Variants in PTPN22 observed in about 807,000 individuals in gnomAD.
PTPN22 encodes the protein tyrosine-protein phosphatase non-receptor type 22.
Under a neutral mutation model 103.3 loss-of-function variants are expected in PTPN22, and 85 were observed. The observed-to-expected ratio is 0.82, with a 90% CI of 0.69 to 0.99. PTPN22 has a LOEUF of 0.99. PTPN22 is among the 50% of genes least tolerant of loss of function. The pLI is 0.00. For missense variants in PTPN22, 865 were observed against 936.9 expected, an observed-to-expected ratio of 0.92 and a Z score of 1.00; for synonymous variants, 323 against 310.2, an observed-to-expected ratio of 1.04 and a Z score of -0.43.
chr1:113,862,668 A>G (rs1665719514), intron 1 of PTPN22, among the ~76,000 whole-genome samples: 1 of 152,192 alleles, frequency 6.6e-6, no homozygotes, highest in Non-Finnish European at 1.5e-5. Context: ...TTTTAGATAC[A>G]TTTTAGGGAG....
intron 8 of PTPN22, 35 bp from the exon 9 acceptor site, chr1:113,854,572 TATACCTAG>T: frequency 1.3e-6 from 2 of 1,575,994 alleles, no homozygotes; most frequent in Non-Finnish European, 1.7e-6. Flanking sequence ...TGTATGCATG[TATACCTAG>T]AGAGAATGGA....
At chr1:113,828,471 G>A (rs12086911) in intron 18 of PTPN22, among the ~76,000 whole-genome samples, 1,973 of 151,724 alleles carry the variant, frequency 0.013, 18 homozygotes, top group Middle Eastern at 0.017. Flanking sequence ...CTTTTTTTCA[G>A]GTGGTTATTT....
chr1:113,860,654 T>G (rs148087554), intron 1 of PTPN22, among the ~76,000 whole-genome samples: 1 of 152,332 alleles, frequency 6.6e-6, no homozygotes, highest in East Asian at 1.9e-4. Context: ...CATGAAAGAC[T>G]AGGCTGAATT....
chr1:113,847,236 CTTTTTTTT>C (rs34578333), intron 11 of PTPN22, among the ~76,000 whole-genome samples: 1 of 101,446 alleles, frequency 9.9e-6, no homozygotes, highest in African/African-American at 3.7e-5. Flanking sequence ...TGCTGAGACT[CTTTTTTTT>C]TTTTTTTTGA....
At chr1:113,849,008 C>T (rs1399706897) in intron 10 of PTPN22, among the ~76,000 whole-genome samples, 1 of 151,790 alleles carries the variant, frequency 6.6e-6, no homozygotes, top group Non-Finnish European at 1.5e-5. Context: ...TGTAAGCAAC[C>T]TTCATCTTTT....
At chr1:113,834,868 C>A (rs368481889) in intron 14 of PTPN22, 42 bp downstream of exon 14, 1 of 1,423,746 alleles carries the variant, frequency 7.0e-7, no homozygotes, top group Admixed American at 2.2e-5. Flanking sequence ...AGCCACCATG[C>A]CCATCCCACA....
intron 10 of PTPN22, among the ~76,000 whole-genome samples, chr1:113,849,071 C>T (rs558798270): frequency 1.3e-5 from 2 of 152,256 alleles, no homozygotes; most frequent in South Asian, 4.1e-4. Flanking sequence ...AATGTCTATG[C>T]TTTAATTTGG....
chr1:113,867,671 T>G (rs1666229732), intron 1 of PTPN22, among the ~76,000 whole-genome samples: 1 of 152,230 alleles, frequency 6.6e-6, no homozygotes, highest in Non-Finnish European at 1.5e-5. Flanking sequence ...GGCATTACTT[T>G]GCACACAATA....
At chr1:113,868,077 TTG>T (rs1385877038) in intron 1 of PTPN22, among the ~76,000 whole-genome samples, 1 of 152,212 alleles carries the variant, frequency 6.6e-6, no homozygotes, top group African/African-American at 2.4e-5. Flanking sequence ...TTTTTTGTTG[TTG>T]TGTTATTTTT....
At chr1:113,858,699 G>A in intron 3 of PTPN22, 126 bp from the exon 4 acceptor site, 1 of 717,446 alleles carries the variant, frequency 1.4e-6, no homozygotes, top group Non-Finnish European at 2.3e-6. Flanking sequence ...GAGTGCAGTG[G>A]CATAATCACA....
chr1:113,846,169 A>AT (rs914335421), intron 11 of PTPN22, among the ~76,000 whole-genome samples: 5 of 151,754 alleles, frequency 3.3e-5, no homozygotes, highest in African/African-American at 1.2e-4. Flanking sequence ...CTGCTATTTT[A>AT]TTTTTTGTTT....
chr1:113,835,895 A>G (rs565548513), intron 13 of PTPN22, among the ~76,000 whole-genome samples: 91 of 151,844 alleles, frequency 6.0e-4, no homozygotes, highest in Admixed American at 2.6e-3. Context: ...GCACATGACG[A>G]TATTGTTACA....
exon 2 of PTPN22, chr1:113,859,408 G>A: frequency 6.2e-7 from 1 of 1,613,994 alleles, no homozygotes; most frequent in Non-Finnish European, 8.5e-7. Context: ...CTCAGCCACA[G>A]TTGTAGGATA....
At chr1:113,862,319 G>A (rs1377277870) in intron 1 of PTPN22, among the ~76,000 whole-genome samples, 1 of 151,960 alleles carries the variant, frequency 6.6e-6, no homozygotes, top group Non-Finnish European at 1.5e-5. Context: ...AGAGAATAAA[G>A]TGAAGAGAGA....
chr1:113,823,181 C>T (rs1661764488), intron 19 of PTPN22: 1 of 152,192 alleles, frequency 6.6e-6, no homozygotes. Context: ...CTGTTCTGTT[C>T]ACCATCATAT....
chr1:113,854,604 C>A (rs1664887225), intron 8 of PTPN22, 67 bp from the exon 9 acceptor site: 3 of 1,474,846 alleles, frequency 2.0e-6, no homozygotes, highest in Non-Finnish European at 2.8e-6. Flanking sequence ...TTGACAGTAG[C>A]TGGAAAATTT....
chr1:113,871,687 G>T, exon 1 of PTPN22: 1 of 1,451,944 alleles, frequency 6.9e-7, no homozygotes, highest in Non-Finnish European at 9.6e-7. Flanking sequence ...TGTGTGTCAT[G>T]GCCGAGACAC....
At position 113,856,356 on chromosome 1, in the gene PTPN22, G is replaced by A. The variant is rs201486808; in HGVS notation, c.540+26C>T. Reference sequence around the variant, plus strand: ...TTGCCTGATCTCTATAGGCTTTTGAGTTTATCATTCTTATTTTATACTTAC... The same window carrying A: ...TTGCCTGATCTCTATAGGCTTTTGAATTTATCATTCTTATTTTATACTTAC... On this transcript the variant is annotated intron_variant, in intron 7 of 20. Coordinates refer to ENST00000359785, the Ensembl canonical transcript of PTPN22. 3 of 1,541,280 alleles carry A rather than the reference G, an allele frequency of 1.9e-6. No individual in the cohort carries two copies. In the East Asian group the frequency reaches 7.2e-5, roughly 37 times the overall value.
exon 13 of PTPN22, chr1:113,837,769 C>A (rs370156443): frequency 1.2e-6 from 2 of 1,613,882 alleles, no homozygotes. Flanking sequence ...AGAACTGGTA[C>A]CACTTGGAGG....
Sources: gnomAD v4.1 joint callset for allele counts (sites outside exome capture counted in the v4.1 genomes callset) on GRCh38, gnomAD v4.1.1 for gene constraint, MANE v1.5 for transcripts, NCBI Gene and HGNC (gene_info 2026-07-23, HGNC 2026-07-21) for gene names.